ZNF621: variants seen among roughly 807,000 people sequenced by gnomAD.
ZNF621 encodes the protein zinc finger protein 621.
ZNF621 carries 6 observed loss-of-function variants against 12.7 expected under a neutral mutation model. The observed-to-expected ratio is 0.47, with a 90% confidence interval of 0.26 to 0.93. ZNF621 has a LOEUF of 0.93. Among genes scored for constraint, ZNF621 ranks in the 40% least tolerant of loss-of-function variants. The pLI, the probability that ZNF621 is intolerant of heterozygous loss-of-function variation, is 0.15. For missense variants in ZNF621, 474 were observed against 524.0 expected (o/e 0.90, Z 0.93); for synonymous variants, 156 against 190.3 (o/e 0.82, Z 1.48).
rs898000962 is a variant in ZNF621, at chr3:40,533,900, T to C, written c.*810T>C. On this transcript the variant is annotated 3_prime_UTR_variant, in exon 5 of 5. Coordinates refer to ENST00000339296, the MANE Select transcript of ZNF621 (RefSeq NM_198484.5). ...CACAGATCTTTGAGAATCTCATACA[T>C]CTGTGAAAAAGATAATGTGAAATAA... The C allele has an allele frequency of 2.6e-5, 4 of 152,372 alleles. No individual in the cohort carries two copies. The highest frequency in any genetic ancestry group is 9.7e-5 in the African/African-American group (4 of 41,364). 9.4% of individuals were successfully genotyped at this position (152,372 alleles called of 1,614,324 possible).
Position 40,530,283 on chromosome 3 carries a change from T to C in ZNF621, c.226T>C (p.Trp76Arg). Residue 76 changes from tryptophan (W) to arginine (R), a missense_variant, in exon 4 of 5, where the codon TGG becomes CGG. Trp to Arg is a moderately radical substitution (Grantham distance 101, BLOSUM62 -3). Transcript: ENST00000339296. ...GGAAGCACCATGGGGCCCAGATCCC[T>C]GGGACACCGAGATTCTGAGAGGCAT... ...RGEAPWGPDP[W>R]DTEILRGISQ... 1.9e-6 allele frequency: 3 copies of C among 1,613,482 alleles called. No homozygotes were observed. The highest frequency in any genetic ancestry group is 2.5e-6 in the Non-Finnish European group (3 of 1,179,686).
At chr3:40,530,373 T>A in intron 4 of ZNF621, 57 bp downstream of exon 4, 1 of 1,394,592 alleles carries the variant, frequency 7.2e-7, no homozygotes, top group Non-Finnish European at 1.0e-6. Flanking sequence ...GTTTACTAGG[T>A]AAGAAGTGTT....
At chr3:40,530,810 A>G (rs77716681) in intron 4 of ZNF621, among the ~76,000 whole-genome samples, 2,599 of 152,270 alleles carry the variant, frequency 0.017, 35 homozygotes, top group Middle Eastern at 0.044. Context: ...TTAGATCTAC[A>G]TTATATTTAC....
At chr3:40,527,084 C>G (rs1290181011) in intron 2 of ZNF621, among the ~76,000 whole-genome samples, 1 of 152,176 alleles carries the variant, frequency 6.6e-6, no homozygotes, top group Non-Finnish European at 1.5e-5. Context: ...ATGGTGCGAT[C>G]TTCGCTCACT....
chr3:40,531,031 A>C (rs913807725), intron 4 of ZNF621, among the ~76,000 whole-genome samples: 2 of 152,148 alleles, frequency 1.3e-5, no homozygotes, highest in Non-Finnish European at 2.9e-5. Context: ...CTTCTCACAC[A>C]TTTATGCTTT....
chr3:40,530,213 G>A lies in ZNF621; in HGVS notation c.156G>A (p.Ala52=), dbSNP rs370605918. The A allele has an allele frequency of 4.8e-5, 77 of 1,612,610 alleles. No homozygotes were observed. Among genetic ancestry groups the A allele is most frequent in the South Asian group, 7.7e-5 (7 of 90,894 alleles). ...ENYANVASLV[A]FPFPKPALIS... is the part of the protein sequence containing the mutation. ...CTTTCTCTTTTCTTCATGAAGTAGCGTTTCCATTCCCCAAACCTGCTCTGA... is the reference window on the plus strand; with the variant it reads ...CTTTCTCTTTTCTTCATGAAGTAGCATTTCCATTCCCCAAACCTGCTCTGA... The change falls in exon 4 of 5, where the codon GCG becomes GCA. Residue 52 remains alanine, a synonymous_variant. Transcript: ENST00000339296.
chr3:40,525,759 C>T lies in ZNF621; in HGVS notation c.-62-20C>T, dbSNP rs1173816975. 14 of 1,605,994 alleles carry T rather than the reference C, an allele frequency of 8.7e-6. No individual in the cohort carries two copies. The highest frequency in any genetic ancestry group is 1.2e-5 in the Non-Finnish European group (14 of 1,172,922). ...GGTGGACGACAGGGTCCTTAGCACT[C>T]ATGGCTCTTTTTCTCTTAGCTCTTG... On this transcript the variant is annotated intron_variant, in intron 1 of 4. Coordinates refer to ENST00000339296, the MANE Select transcript of ZNF621 (RefSeq NM_198484.5).
In ZNF621 at chr3:40,532,974, C is replaced by T. The variant is rs1698773213; in HGVS notation, c.1204C>T (p.Leu402=). The change falls in exon 5 of 5, where the codon CTG becomes TTG. Residue 402 remains leucine (L), a synonymous_variant. Coordinates refer to ENST00000339296, the MANE Select transcript of ZNF621 (RefSeq NM_198484.5). ...IPTSGNFFML[L]PTSGIPSSSA... is the part of the protein sequence containing the mutation. Reference sequence around the variant, plus strand: ...TACCTCTGGGAATTTTTTCATGCTGCTGCCTACATCTGGAATACCTTCTTC... The same window carrying T: ...TACCTCTGGGAATTTTTTCATGCTGTTGCCTACATCTGGAATACCTTCTTC... 1.3e-6 allele frequency: 2 copies of T among 1,552,068 alleles called. No homozygotes were observed. Among genetic ancestry groups the T allele is most frequent in the Non-Finnish European group, 1.7e-6 (2 of 1,147,136 alleles).
intron 4 of ZNF621, among the ~76,000 whole-genome samples, chr3:40,531,598 C>T (rs1045040322): frequency 3.9e-5 from 6 of 152,060 alleles, no homozygotes; most frequent in East Asian, 1.9e-4. Flanking sequence ...GGTCTAGCTC[C>T]GCTGCCCAGG....
rs947857236 is a variant in ZNF621 at position 40,537,009 on chromosome 3, T to A, written c.*3919T>A. 2 of 152,228 alleles carry A rather than the reference T, an allele frequency of 1.3e-5. No homozygotes were observed. Among genetic ancestry groups the A allele is most frequent in the African/African-American group, 4.8e-5 (2 of 41,464 alleles). 9.4% of individuals were successfully genotyped at this position (152,228 alleles called of 1,614,324 possible). A position where few individuals can be genotyped will look rare whatever the true frequency, so the allele number is the denominator to read the frequency against. On this transcript the variant is annotated 3_prime_UTR_variant, in exon 5 of 5. Transcript: ENST00000339296. ...TGTGTGTGTGTTCTGATTACTCCACTAACTGATGGTTCCCCATCTCTCTCC... is the reference window on the plus strand; with the variant it reads ...TGTGTGTGTGTTCTGATTACTCCACAAACTGATGGTTCCCCATCTCTCTCC...
rs1698878666 is a variant in ZNF621 at position 40,536,885 on chromosome 3, A to T, written c.*3795A>T. On this transcript the variant is annotated 3_prime_UTR_variant, in exon 5 of 5. Transcript: ENST00000339296. ...CTTAAAATATTTCAAACTTTTCATT[A>T]TATGTGTTTTGGTGATTAGTGACTT... 1 of 151,916 alleles carries T rather than the reference A, an allele frequency of 6.6e-6. No homozygotes were observed. Among genetic ancestry groups the T allele is most frequent in the East Asian group, 1.9e-4 (1 of 5,182 alleles). 9.4% of individuals were successfully genotyped at this position (151,916 alleles called of 1,614,324 possible). A position where few individuals can be genotyped will look rare whatever the true frequency, so the allele number is the denominator to read the frequency against.
At chr3:40,531,856 A>T (rs944221541) in intron 4 of ZNF621, among the ~76,000 whole-genome samples, 174 bp from the exon 5 acceptor site, 6 of 152,142 alleles carry the variant, frequency 3.9e-5, no homozygotes, top group African/African-American at 1.4e-4. Flanking sequence ...GAGCCACCAC[A>T]CCTGGCCTGT....
At chr3:40,528,842 C>T (rs1170542662) in intron 2 of ZNF621, among the ~76,000 whole-genome samples, 1 of 152,128 alleles carries the variant, frequency 6.6e-6, no homozygotes, top group African/African-American at 2.4e-5. Context: ...TCTTAATTGG[C>T]TTGTTCATAA....
rs1479613157 is a variant in ZNF621 at position 40,532,981 on chromosome 3, C to T, written c.1211C>T (p.Thr404Ile). 6.4e-7 allele frequency: 1 copy of T among 1,551,894 alleles called. No individual in the cohort carries two copies. Among genetic ancestry groups the T allele is most frequent in the African/African-American group, 1.4e-5 (1 of 73,046 alleles). Residue 404 changes from threonine to isoleucine, a missense_variant, in exon 5 of 5, where the codon ACA becomes ATA. Transcript: ENST00000339296. ...TSGNFFMLLP[T>I]SGIPSSSAQI... is the part of the protein sequence containing the mutation. ...GGGAATTTTTTCATGCTGCTGCCTACATCTGGAATACCTTCTTCATCTGCC... is the reference window on the plus strand; with the variant it reads ...GGGAATTTTTTCATGCTGCTGCCTATATCTGGAATACCTTCTTCATCTGCC...
chr3:40,538,681 GTAT>G lies in ZNF621; in HGVS notation c.*5596_*5598del, dbSNP rs1316132729. 2 of 152,400 alleles carry G rather than the reference GTAT, an allele frequency of 1.3e-5. No homozygotes were observed. The highest frequency in any genetic ancestry group is 4.8e-5 in the African/African-American group (2 of 41,396). 9.4% of individuals were successfully genotyped at this position (152,400 alleles called of 1,614,324 possible). On this transcript the variant is annotated 3_prime_UTR_variant, in exon 5 of 5. Transcript: ENST00000339296. The stretch of plus-strand genomic sequence containing the variant: ...GTCAAGGAGTAATTTTGACTTTCAA[GTAT>G]TATTTAAGGAATACATTTTGTAAGG...
intron 4 of ZNF621, among the ~76,000 whole-genome samples, chr3:40,530,551 T>C (rs1007543832): frequency 6.6e-6 from 1 of 152,224 alleles, no homozygotes; most frequent in Admixed American, 6.5e-5. Flanking sequence ...GCAGAAAAGC[T>C]GTGACCCAGT....
In ZNF621 at chr3:40,532,723, C is replaced by A; in HGVS notation, c.953C>A (p.Pro318His). ...CAGAGAGTTCACACTGGGGAGAAGC[C>A]TTATGAATGTAAGGTGTGTGGGAAA... is the stretch of plus-strand genomic sequence containing the variant. ...QHQRVHTGEK[P>H]YECKVCGKAF... The change falls in exon 5 of 5, where the codon CCT becomes CAT. Residue 318 changes from proline (P) to histidine (H), a missense_variant. By Grantham distance (77) the Pro-to-His change is moderately conservative. Coordinates refer to ENST00000339296, the MANE Select transcript of ZNF621 (RefSeq NM_198484.5). 1 of 1,614,170 alleles carries A rather than the reference C, an allele frequency of 6.2e-7. No individual in the cohort carries two copies. The highest frequency in any genetic ancestry group is 8.5e-7 in the Non-Finnish European group (1 of 1,180,038).
Position 40,529,371 on chromosome 3 carries a change from C to G in ZNF621, c.77C>G (p.Ala26Gly). ...GTTTACTTCACCCAGAATCAATGGG[C>G]CAGCCTCGACCCTGCGCAGAGGGCC... The part of the protein sequence containing the change: ...VAVYFTQNQW[A>G]SLDPAQRALY... The change falls in exon 3 of 5, where the codon GCC (alanine) becomes GGC (glycine). Residue 26 changes from alanine (A) to glycine (G), a missense_variant. Physicochemically the swap from Ala to Gly is moderately conservative, Grantham distance 60. Coordinates refer to ENST00000339296, the MANE Select transcript of ZNF621 (RefSeq NM_198484.5). The G allele has an allele frequency of 1.2e-6, 2 of 1,613,896 alleles. No homozygotes were observed. Among genetic ancestry groups the G allele is most frequent in the Non-Finnish European group, 1.7e-6 (2 of 1,179,882 alleles).
intron 2 of ZNF621, among the ~76,000 whole-genome samples, chr3:40,526,066 G>C (rs1698576384): frequency 6.6e-6 from 1 of 152,144 alleles, no homozygotes; most frequent in Non-Finnish European, 1.5e-5. Flanking sequence ...TGATGAGTTT[G>C]GATGTATAGA....
Sources: allele counts gnomAD v4.1 joint callset (sites outside exome capture counted in the v4.1 genomes callset), GRCh38; gene constraint gnomAD v4.1.1; transcripts MANE v1.5; gene names NCBI Gene and HGNC (gene_info 2026-07-23, HGNC 2026-07-21).